Variants in ROBO1 observed in about 807,000 individuals in gnomAD.
ROBO1 encodes roundabout homolog 1.
ROBO1 carries 149 observed loss-of-function variants against 195.9 expected under a neutral mutation model. The observed-to-expected ratio is 0.76, with a 90% CI of 0.67 to 0.87. ROBO1 has a LOEUF of 0.87. ROBO1 is among the 40% of genes least tolerant of loss of function. ROBO1 has a pLI of 0.00. For missense variants in ROBO1, 1,933 were observed against 2,068.3 expected, an observed-to-expected ratio of 0.93 and a Z score of 1.27; for synonymous variants, 816 against 733.2, an observed-to-expected ratio of 1.11 and a Z score of -1.82.
chr3:79,011,650 C>T (rs1442819489), intron 3 of ROBO1, among the ~76,000 whole-genome samples: 1 of 148,642 alleles, frequency 6.7e-6, no homozygotes, highest in East Asian at 1.9e-4. Flanking sequence ...ATATTTTTTT[C>T]ATAATGTTTT....
intron 28 of ROBO1, among the ~76,000 whole-genome samples, chr3:78,611,850 G>C (rs1362044500): frequency 2.6e-5 from 4 of 152,174 alleles, no homozygotes; most frequent in Non-Finnish European, 5.9e-5. Context: ...GGGAAGATCA[G>C]GTGAAGCACA....
intron 3 of ROBO1, among the ~76,000 whole-genome samples, chr3:79,077,608 G>A (rs989995461): frequency 2.6e-5 from 4 of 151,698 alleles, no homozygotes; most frequent in Admixed American, 2.0e-4. Flanking sequence ...TTATTATATT[G>A]TCAGGCAAGA....
chr3:79,211,867 T>C (rs576536416), intron 2 of ROBO1, among the ~76,000 whole-genome samples: 1 of 151,956 alleles, frequency 6.6e-6, no homozygotes, highest in Admixed American at 6.6e-5. Context: ...CGGTGTGGAG[T>C]GGGAAACCAG....
rs1702991577 is a variant in ROBO1 at position 78,598,799 on chromosome 3, C to CAATT, written c.*110_*113dup. On this transcript the variant is annotated 3_prime_UTR_variant, in exon 31 of 31. Transcript: ENST00000464233. ...ATCCCAATAAGAGGAATAAAAACGA[C>CAATT]AATTTGTACACTCTGATTGCACTGA... 3.1e-6 allele frequency: 2 copies of CAATT among 635,312 alleles called. No individual in the cohort carries two copies. The highest frequency in any genetic ancestry group is 3.7e-5 in the African/African-American group (2 of 53,970). 39.4% of individuals were successfully genotyped at this position (635,312 alleles called of 1,614,324 possible).
chr3:79,468,044 T>G (rs969400428), intron 2 of ROBO1, among the ~76,000 whole-genome samples: 5 of 152,312 alleles, frequency 3.3e-5, no homozygotes, highest in African/African-American at 1.2e-4. Context: ...TAAGCACAGG[T>G]GGGAGCAAAG....
intron 4 of ROBO1, among the ~76,000 whole-genome samples, chr3:78,752,871 T>C (rs2082832410): frequency 6.6e-6 from 1 of 152,144 alleles, no homozygotes; most frequent in Non-Finnish European, 1.5e-5. Flanking sequence ...TATTCTACAA[T>C]AAGTATGTCT....
intron 8 of ROBO1, among the ~76,000 whole-genome samples, chr3:78,689,202 A>G (rs2081116292): frequency 6.6e-6 from 1 of 152,208 alleles, no homozygotes; most frequent in Non-Finnish European, 1.5e-5. Context: ...CTGAAATGCT[A>G]CCATGCAAAT....
intron 2 of ROBO1, among the ~76,000 whole-genome samples, chr3:79,499,155 C>G (rs1388867620): frequency 6.6e-6 from 1 of 152,072 alleles, no homozygotes; most frequent in African/African-American, 2.4e-5. Context: ...CCACCACGCT[C>G]AGCTAATTTT....
intron 4 of ROBO1, among the ~76,000 whole-genome samples, chr3:78,861,615 T>G (rs1559935570): frequency 6.6e-6 from 1 of 152,204 alleles, no homozygotes; most frequent in Non-Finnish European, 1.5e-5. Context: ...GCTCTCATGT[T>G]ATGTTGTTCA....
intron 4 of ROBO1, among the ~76,000 whole-genome samples, chr3:78,857,088 G>T (rs2034490400): frequency 2.6e-5 from 4 of 152,174 alleles, no homozygotes; most frequent in Admixed American, 2.6e-4. Flanking sequence ...GAGCTCTGAT[G>T]ATAAATATTA....
chr3:79,191,821 T>C (rs994809226), intron 2 of ROBO1, among the ~76,000 whole-genome samples: 2 of 151,494 alleles, frequency 1.3e-5, no homozygotes, highest in African/African-American at 4.8e-5. Flanking sequence ...GTTTATATTC[T>C]CCAAAACATC....
At chr3:79,499,421 G>A (rs1200660340) in intron 2 of ROBO1, among the ~76,000 whole-genome samples, 1 of 152,132 alleles carries the variant, frequency 6.6e-6, no homozygotes, top group Non-Finnish European at 1.5e-5. Flanking sequence ...AGCTAAATGA[G>A]CTAAAATAAT....
rs200694861 is a variant in ROBO1 at position 79,446,827 on chromosome 3, CTTTA to C, written c.88+142993_88+142996del. Among the ~76,000 whole-genome samples the C allele has an allele frequency of 4.7e-4, 71 of 152,110 alleles. No homozygotes were observed. In the East Asian group the frequency reaches 0.012, roughly 26 times the overall value. On this transcript the variant is annotated intron_variant, in intron 2 of 30. Transcript: ENST00000464233. The stretch of plus-strand genomic sequence containing the variant: ...TTTCAAAAAAGTTTTAAAATGCACA[CTTTA>C]TTTATTTTTTGAGATGGAGTCTTCC...
At chr3:79,652,006 G>A (rs6548642) in intron 1 of ROBO1, among the ~76,000 whole-genome samples, 86,748 of 151,892 alleles carry the variant, frequency 0.57, 25,016 homozygotes, top group South Asian at 0.67. Flanking sequence ...TCAACTTTCC[G>A]TCTATTAACA....
chr3:79,371,988 C>T (rs974467459), intron 2 of ROBO1, among the ~76,000 whole-genome samples: 2 of 152,116 alleles, frequency 1.3e-5, no homozygotes, highest in Non-Finnish European at 2.9e-5. Flanking sequence ...AGGGAGCAGG[C>T]AACCTAGATC....
At chr3:79,384,002 T>G (rs1175653508) in intron 2 of ROBO1, among the ~76,000 whole-genome samples, 1 of 152,036 alleles carries the variant, frequency 6.6e-6, no homozygotes, top group African/African-American at 2.4e-5. Flanking sequence ...AATTTAGAGA[T>G]AATTTCACTT....
At chr3:79,636,980 G>A (rs1276117169) in intron 1 of ROBO1, among the ~76,000 whole-genome samples, 1 of 152,156 alleles carries the variant, frequency 6.6e-6, no homozygotes, top group African/African-American at 2.4e-5. Flanking sequence ...AAGAGAGCTG[G>A]CTTTATTAAA....
At chr3:79,122,129 T>C (rs1052810498) in intron 3 of ROBO1, among the ~76,000 whole-genome samples, 3 of 152,100 alleles carry the variant, frequency 2.0e-5, no homozygotes, top group African/African-American at 7.2e-5. Flanking sequence ...TATTACATAT[T>C]CAGACTCTTT....
chr3:78,677,760 A>G (rs1464746871), intron 10 of ROBO1, among the ~76,000 whole-genome samples: 3 of 152,192 alleles, frequency 2.0e-5, no homozygotes. Context: ...CATTAGACAG[A>G]TCGACAAGAC....
Sources: allele counts gnomAD v4.1 joint callset (sites outside exome capture counted in the v4.1 genomes callset), GRCh38; gene constraint gnomAD v4.1.1; transcripts MANE v1.5; gene names NCBI Gene and HGNC (gene_info 2026-07-23, HGNC 2026-07-21).